TOMM20L: variants seen among roughly 807,000 people sequenced by gnomAD.
The protein encoded by TOMM20L is TOMM20-like protein 1.
In TOMM20L, 19 loss-of-function variants were observed where a neutral mutation model predicts 20.4. That is an observed-to-expected ratio of 0.93 (90% CI 0.65 to 1.36). The LOEUF is 1.36. TOMM20L is among the 40% of genes most tolerant of loss of function. The pLI is 0.00. For synonymous variants in TOMM20L, 75 were observed against 79.6 expected (o/e 0.94, Z 0.30); for missense variants, 218 against 203.7 (o/e 1.07, Z -0.43).
At chr14:58,413,018 T>C (rs1427795540), downstream of TOMM20L, among the ~76,000 whole-genome samples, 1 of 152,174 alleles carries the variant, frequency 6.6e-6, no homozygotes, top group Non-Finnish European at 1.5e-5. Context: ...ATTTTAAATT[T>C]TTTACTATTA....
chr14:58,401,099 A>G (rs1368096322), intron 2 of TOMM20L, among the ~76,000 whole-genome samples: 1 of 152,206 alleles, frequency 6.6e-6, no homozygotes, highest in African/African-American at 2.4e-5. Flanking sequence ...TCTTGTACCT[A>G]CATGATCACT....
intron 4 of TOMM20L, among the ~76,000 whole-genome samples, chr14:58,408,143 G>A (rs756107947): frequency 2.6e-5 from 4 of 152,180 alleles, no homozygotes; most frequent in Non-Finnish European, 4.4e-5. Context: ...GTGGCCAGGC[G>A]CGGTGGCTCA....
At chr14:58,406,628 AACTAT>A (rs1307787732) in intron 3 of TOMM20L, among the ~76,000 whole-genome samples, 1 of 152,360 alleles carries the variant, frequency 6.6e-6, no homozygotes, top group East Asian at 1.9e-4. Context: ...TCAGCATTGA[AACTAT>A]ACATCATTTC....
At chr14:58,415,708 T>C in the TOMM20L span, among the ~76,000 whole-genome samples, 2 of 152,012 alleles carry the variant, frequency 1.3e-5, no homozygotes, top group Non-Finnish European at 2.9e-5. Context: ...AAAGGACTTG[T>C]AGAAGTATAA....
downstream of TOMM20L, among the ~76,000 whole-genome samples, chr14:58,410,534 A>T (rs1326803652): frequency 1.3e-5 from 2 of 152,230 alleles, no homozygotes. Context: ...AGGCTGTGCC[A>T]AGTTTCTCTA....
chr14:58,414,686 G>A, the TOMM20L span, among the ~76,000 whole-genome samples: 3 of 143,274 alleles, frequency 2.1e-5, no homozygotes, highest in African/African-American at 7.9e-5. Context: ...GCAGTGAGCC[G>A]AGATTGCAGC....
chr14:58,410,745 T>C, downstream of TOMM20L: 1 of 816,132 alleles, frequency 1.2e-6, no homozygotes, highest in Non-Finnish European at 1.9e-6. Flanking sequence ...GTAGTCTAAA[T>C]TCCTGTAATA....
Position 58,402,760 on chromosome 14 carries a change from A to G in TOMM20L, c.261A>G (p.Arg87=). 1 of 1,608,090 alleles carries G rather than the reference A, an allele frequency of 6.2e-7. No homozygotes were observed. The highest frequency in any genetic ancestry group is 8.5e-7 in the Non-Finnish European group (1 of 1,174,834). The change falls in exon 3 of 5, where the codon AGA becomes AGG. Residue 87 remains arginine (R), a splice_region_variant and synonymous_variant. Transcript: ENST00000360945. ...EVRMGELWLS[R]GEHRMGIQHL... The stretch of plus-strand genomic sequence containing the variant: ...GGATGGGAGAACTTTGGTTATCTAG[A>G]GGTAAGAATGTAAATGTTCTTTTGT...
chr14:58,405,652 G>T (rs1362187043), intron 3 of TOMM20L, among the ~76,000 whole-genome samples: 2 of 152,144 alleles, frequency 1.3e-5, no homozygotes, highest in Non-Finnish European at 2.9e-5. Context: ...TTATACAGGT[G>T]TGTGCCACCA....
At chr14:58,397,937 ATGG>A (rs1308551584) in intron 2 of TOMM20L, among the ~76,000 whole-genome samples, 1 of 152,204 alleles carries the variant, frequency 6.6e-6, no homozygotes, top group Admixed American at 6.5e-5. Flanking sequence ...ATCCTGAACT[ATGG>A]TGGTGGTAGT....
chr14:58,416,767 T>G, the TOMM20L span, among the ~76,000 whole-genome samples: 2 of 152,204 alleles, frequency 1.3e-5, no homozygotes, highest in African/African-American at 4.8e-5. Context: ...GGTGATAAAC[T>G]AAATCAGTGC....
downstream of TOMM20L, chr14:58,412,160 T>C (rs79259594): frequency 1.0e-5 from 5 of 484,222 alleles, no homozygotes; most frequent in African/African-American, 9.8e-5. Flanking sequence ...CTTTTTTTTT[T>C]TGAGACGGAG....
intron 3 of TOMM20L, among the ~76,000 whole-genome samples, chr14:58,406,402 C>CCT (rs2036057750): frequency 6.6e-6 from 1 of 152,162 alleles, no homozygotes; most frequent in Admixed American, 6.5e-5. Context: ...CTATTCTCTT[C>CCT]CTATAACCAT....
intron 3 of TOMM20L, 142 bp from the exon 4 acceptor site, chr14:58,407,184 C>T: frequency 2.7e-6 from 2 of 727,336 alleles, no homozygotes. Flanking sequence ...CATATTTGTA[C>T]TCTACTCTTC....
chr14:58,402,139 T>G (rs569438333), intron 2 of TOMM20L, among the ~76,000 whole-genome samples: 2 of 152,204 alleles, frequency 1.3e-5, no homozygotes, highest in Non-Finnish European at 2.9e-5. Flanking sequence ...AGTTATTTAT[T>G]ATAAGCATCT....
At chr14:58,404,616 T>C (rs1020073080) in intron 3 of TOMM20L, among the ~76,000 whole-genome samples, 7 of 152,146 alleles carry the variant, frequency 4.6e-5, no homozygotes, top group Non-Finnish European at 7.3e-5. Context: ...AGATTTTTAT[T>C]CAGTGGCTTA....
chr14:58,416,651 G>T, the TOMM20L span, among the ~76,000 whole-genome samples: 2 of 152,136 alleles, frequency 1.3e-5, no homozygotes, highest in Admixed American at 1.3e-4. Flanking sequence ...TATGTTTGTC[G>T]GTTGAAGCAA....
Position 58,395,933 on chromosome 14 carries a change from C to T in TOMM20L, c.-25C>T, listed in dbSNP as rs780842241. The T allele has an allele frequency of 7.6e-7, 1 of 1,321,622 alleles. No individual in the cohort carries two copies. The highest frequency in any genetic ancestry group is 9.7e-7 in the Non-Finnish European group (1 of 1,030,736). The allele number at this position is 1,321,622 out of a possible 1,614,324, so 81.9% of individuals were successfully genotyped here. A position where few individuals can be genotyped will look rare whatever the true frequency, so the allele number is the denominator to read the frequency against. ...TGCCGGCCGGCCCGCGCCCAACGCT[C>T]GGCTTGTGGGACGCCCGCGGTCGGA... On this transcript the variant is annotated 5_prime_UTR_variant, in exon 1 of 5. Coordinates refer to ENST00000360945, the MANE Select transcript of TOMM20L (RefSeq NM_207377.3).
At chr14:58,409,151 A>AT, downstream of TOMM20L, 1 of 1,613,916 alleles carries the variant, frequency 6.2e-7, no homozygotes, top group Non-Finnish European at 8.5e-7. Context: ...TCTGTAAGCA[A>AT]TGTTCTGAAC....
Sources: allele counts gnomAD v4.1 joint callset (sites outside exome capture counted in the v4.1 genomes callset), GRCh38; gene constraint gnomAD v4.1.1; transcripts MANE v1.5; gene names NCBI Gene and HGNC (gene_info 2026-07-23, HGNC 2026-07-21).